The following VNN1 variants were observed in gnomAD, a reference collection of about 807,000 sequenced individuals.
The protein encoded by VNN1 is vanin 1.
In VNN1, 29 loss-of-function variants were observed where a neutral mutation model predicts 41.9. The ratio of observed to expected loss-of-function variants is 0.69; its 90% CI spans 0.52 to 0.94. VNN1 has a LOEUF of 0.94. Among genes scored for constraint, VNN1 ranks in the 40% least tolerant of loss-of-function variants. The probability of loss-of-function intolerance (pLI) is 0.00; values close to 1 mark genes in which losing one functional copy is unlikely to be tolerated. For missense variants in VNN1, 637 were observed against 621.1 expected (o/e 1.03, Z -0.27); for synonymous variants, 233 against 224.4 (o/e 1.04, Z -0.34).
At chr6:132,712,797 A>G (rs1001111571) in intron 1 of VNN1, among the ~76,000 whole-genome samples, 1 of 152,202 alleles carries the variant, frequency 6.6e-6, no homozygotes, top group Non-Finnish European at 1.5e-5. Flanking sequence ...CTAAGGATGA[A>G]AAAGAACATC....
At chr6:132,688,415 C>T (rs1234973503) in intron 5 of VNN1, among the ~76,000 whole-genome samples, 1 of 152,012 alleles carries the variant, frequency 6.6e-6, no homozygotes, top group Non-Finnish European at 1.5e-5. Context: ...GAAATATCAC[C>T]GTCTAGCAAG....
chr6:132,692,544 A>G lies in VNN1; in HGVS notation c.867T>C (p.His289=). 6.2e-7 allele frequency: 1 copy of G among 1,604,258 alleles called. No individual in the cohort carries two copies. The highest frequency in any genetic ancestry group is 1.3e-5 in the African/African-American group (1 of 74,852). ...IYAPNSSRAF[H]YDMKTEEGKL... Reference sequence around the variant, plus strand: ...TTCCCTCTTCTGTCTTCATATCATAATGAAATGCTCTTGAAGAATTGGGTG... The same window carrying G: ...TTCCCTCTTCTGTCTTCATATCATAGTGAAATGCTCTTGAAGAATTGGGTG... The change falls in exon 5 of 7, where the codon CAT becomes CAC. Residue 289 remains histidine (H), a synonymous_variant. Coordinates refer to ENST00000367928, the MANE Select transcript of VNN1 (RefSeq NM_004666.3).
At chr6:132,688,320 G>T (rs1277022328) in intron 5 of VNN1, among the ~76,000 whole-genome samples, 1 of 152,112 alleles carries the variant, frequency 6.6e-6, no homozygotes, top group South Asian at 2.1e-4. Flanking sequence ...TATTTTCCCA[G>T]ACTCTGCTGG....
intron 5 of VNN1, among the ~76,000 whole-genome samples, chr6:132,691,306 G>A (rs1466213029): frequency 6.6e-6 from 1 of 152,204 alleles, no homozygotes; most frequent in Non-Finnish European, 1.5e-5. Context: ...AGCTGAGATT[G>A]TCAGACTGTC....
Position 132,692,304 on chromosome 6 carries a change from C to T in VNN1, c.1107G>A (p.Met369Ile). The change falls in exon 5 of 7, where the codon ATG (methionine) becomes ATA (isoleucine). Residue 369 changes from methionine (M) to isoleucine (I), a missense_variant. Coordinates refer to ENST00000367928, the MANE Select transcript of VNN1 (RefSeq NM_004666.3). Reference sequence around the variant, plus strand: ...ACACTTCATTTGGTATGTTCTCAGACATTTTGTAGCTTAAATGACAGCAGA... The same window carrying T: ...ACACTTCATTTGGTATGTTCTCAGATATTTTGTAGCTTAAATGACAGCAGA... ...KDLCCHLSYK[M>I]SENIPNEVYA... The T allele has an allele frequency of 1.2e-6, 2 of 1,614,178 alleles. No homozygotes were observed. The highest frequency in any genetic ancestry group is 1.7e-6 in the Non-Finnish European group (2 of 1,180,014).
At chr6:132,706,508 A>G (rs1778521207) in intron 2 of VNN1, among the ~76,000 whole-genome samples, 2 of 152,196 alleles carry the variant, frequency 1.3e-5, no homozygotes, top group African/African-American at 4.8e-5. Context: ...AATCAAATAA[A>G]AATGAATTAT....
In VNN1 at chr6:132,697,021, C is replaced by A. The variant is rs552254669; in HGVS notation, c.342-2839G>T. On this transcript the variant is annotated intron_variant, in intron 2 of 6. Coordinates refer to ENST00000367928, the MANE Select transcript of VNN1 (RefSeq NM_004666.3). ...TCAGGAGGCTGAGGCAGCAGAATGG[C>A]GTGAACTCGGGAGGTGGAGCTTGCA... Among the ~76,000 whole-genome samples, 179 of 152,124 alleles carry A rather than the reference C, an allele frequency of 1.2e-3. 1 individual carries two copies. Among genetic ancestry groups the A allele is most frequent in the Middle Eastern group, 3.4e-3 (1 of 294 alleles).
At chr6:132,713,729 T>C in intron 1 of VNN1, 97 bp downstream of exon 1, 2 of 1,314,346 alleles carry the variant, frequency 1.5e-6, no homozygotes, top group Non-Finnish European at 2.1e-6. Context: ...ACATATATCA[T>C]CTAAAAGTGT....
rs1293305580 is a variant in VNN1, at chr6:132,681,378, T to C, written c.*1762A>G. Among the ~76,000 whole-genome samples, 2 of 152,170 alleles carry C rather than the reference T, an allele frequency of 1.3e-5. No homozygotes were observed. The highest frequency in any genetic ancestry group is 2.9e-5 in the Non-Finnish European group (2 of 68,032). Reference sequence around the variant, plus strand: ...CTCCAGCCCCACCCGAGCCTTGAGATGATGGCAGCCCTGGGGACAAGTTAA... The same window carrying C: ...CTCCAGCCCCACCCGAGCCTTGAGACGATGGCAGCCCTGGGGACAAGTTAA... On this transcript the variant is annotated 3_prime_UTR_variant, in exon 7 of 7. Transcript: ENST00000367928.
Position 132,713,839 on chromosome 6 carries a change from G to A in VNN1, c.197C>T (p.Ser66Leu), listed in dbSNP as rs778413672. 2 of 1,612,900 alleles carry A rather than the reference G, an allele frequency of 1.2e-6. No individual in the cohort carries two copies. Among genetic ancestry groups the A allele is most frequent in the East Asian group, 4.5e-5 (2 of 44,888 alleles). Residue 66 changes from serine to leucine, a missense_variant, in exon 1 of 7, where the codon TCA (serine) becomes TTA (leucine). Physicochemically the swap from Ser to Leu is moderately radical, Grantham distance 145. Transcript: ENST00000367928. ...NLDILEGAIT[S>L]AADQGAHIIV... is the part of the protein sequence containing the mutation. ...TAGAGATGGTACCTGATCTGCTGCT[G>A]ATGTGATCGCTCCTTCCAAAATGTC...
chr6:132,703,133 C>T (rs1383739471), intron 2 of VNN1, among the ~76,000 whole-genome samples: 1 of 152,166 alleles, frequency 6.6e-6, no homozygotes, highest in Non-Finnish European at 1.5e-5. Flanking sequence ...GAAAAGAACC[C>T]ACTGCCTTCT....
chr6:132,682,110 T>C lies in VNN1; in HGVS notation c.*1030A>G, dbSNP rs1343810283. Reference sequence around the variant, plus strand: ...ATAGAACACACAATGCTATATTAAATATCTAATTTCTTAAAATGGGACTCT... The same window carrying C: ...ATAGAACACACAATGCTATATTAAACATCTAATTTCTTAAAATGGGACTCT... On this transcript the variant is annotated 3_prime_UTR_variant, in exon 7 of 7. Transcript: ENST00000367928. The C allele has an allele frequency of 2.0e-5, 3 of 152,224 alleles. No individual in the cohort carries two copies. Among genetic ancestry groups the C allele is most frequent in the Non-Finnish European group, 2.9e-5 (2 of 68,036 alleles). The allele number at this position is 152,224 out of a possible 1,614,324, so 9.4% of individuals were successfully genotyped here.
intron 2 of VNN1, among the ~76,000 whole-genome samples, chr6:132,694,619 C>T (rs45440497): frequency 0.019 from 2,915 of 151,462 alleles, 98 homozygotes; most frequent in African/African-American, 0.067. Context: ...CTTTGGGAGT[C>T]CAAGGAGGAA....
intron 2 of VNN1, among the ~76,000 whole-genome samples, chr6:132,709,661 C>CAACAA (rs1778570060): frequency 7.0e-6 from 1 of 141,918 alleles, no homozygotes; most frequent in Non-Finnish European, 1.6e-5. Flanking sequence ...GTCTCTCTCT[C>CAACAA]AAAAAAAAAA....
At chr6:132,704,734 T>A in intron 2 of VNN1, among the ~76,000 whole-genome samples, 1 of 147,902 alleles carries the variant, frequency 6.8e-6, no homozygotes, top group East Asian at 2.0e-4. Flanking sequence ...GAAATTGAAA[T>A]AAAAAACATC....
At chr6:132,684,572 T>A in intron 5 of VNN1, 67 bp from the exon 6 acceptor site, 1 of 1,556,198 alleles carries the variant, frequency 6.4e-7, no homozygotes, top group Non-Finnish European at 8.8e-7. Flanking sequence ...TTGCTTGATT[T>A]AATCATTTCA....
In VNN1 at chr6:132,683,260, A is replaced by C; in HGVS notation, c.1422T>G (p.Thr474=). Residue 474 remains threonine (T), a synonymous_variant, in exon 7 of 7, where the codon ACT becomes ACG. Transcript: ENST00000367928. ...CCTTCTCATACAACCTCCCAAACAG[A>C]GTTACTGTTAAGACAGGTCCGGATG... The part of the protein sequence containing the change: ...KPTSGPVLTV[T]LFGRLYEKDW... 1.2e-6 allele frequency: 2 copies of C among 1,614,150 alleles called. No homozygotes were observed. The highest frequency in any genetic ancestry group is 2.7e-5 in the African/African-American group (2 of 75,056).
intron 2 of VNN1, among the ~76,000 whole-genome samples, chr6:132,706,185 A>G (rs1325046120): frequency 6.6e-6 from 1 of 152,162 alleles, no homozygotes; most frequent in Non-Finnish European, 1.5e-5. Flanking sequence ...GTGGAAACAC[A>G]GAAGATCCAG....
chr6:132,689,714 A>G (rs1229975805), intron 5 of VNN1, among the ~76,000 whole-genome samples: 1 of 152,132 alleles, frequency 6.6e-6, no homozygotes, highest in African/African-American at 2.4e-5. Context: ...TTGTCGTATC[A>G]TTCACTGTTG....
Sources: gnomAD v4.1 joint callset for allele counts (sites outside exome capture counted in the v4.1 genomes callset) on GRCh38, gnomAD v4.1.1 for gene constraint, MANE v1.5 for transcripts, NCBI Gene and HGNC (gene_info 2026-07-23, HGNC 2026-07-21) for gene names.